Variants in FGF13 observed in about 807,000 individuals in gnomAD.
FGF13 encodes the protein fibroblast growth factor 13, also known as fibroblast growth factor homologous factor 2.
A neutral mutation model predicts 19.5 loss-of-function variants in FGF13; 2 were observed. That is an observed-to-expected ratio of 0.10 (90% confidence interval 0.04 to 0.32). The LOEUF (loss-of-function observed/expected upper bound fraction) is 0.32. Among genes scored for constraint, FGF13 ranks in the 10% least tolerant of loss-of-function variants. The pLI is 1.00. For synonymous variants in FGF13, 72 were observed against 76.9 expected, an observed-to-expected ratio of 0.94 and a Z score of 0.33; for missense variants, 113 against 192.7, an observed-to-expected ratio of 0.59 and a Z score of 2.45.
chrX:139,073,065 CCTTT>C (rs1569450210), intron 1 of FGF13, among the ~76,000 whole-genome samples: 1 of 110,680 alleles, frequency 9.0e-6, no homozygotes, highest in Non-Finnish European at 1.9e-5. Flanking sequence ...TCTAATCCTT[CCTTT>C]ATCTAGTTAA....
intron 1 of FGF13, among the ~76,000 whole-genome samples, chrX:138,920,248 A>T (rs2091637980): frequency 9.0e-6 from 1 of 111,603 alleles, no homozygotes; most frequent in Non-Finnish European, 1.9e-5. Flanking sequence ...GTCACTAATT[A>T]GCTATATGAT....
intron 3 of FGF13, among the ~76,000 whole-genome samples, chrX:138,757,545 A>AT (rs201191599): frequency 9.1e-6 from 1 of 110,049 alleles, no homozygotes; most frequent in African/African-American, 3.3e-5. Context: ...TTCTCTGTGA[A>AT]TTTTTTTTTC....
intron 1 of FGF13, among the ~76,000 whole-genome samples, chrX:139,002,649 G>C (rs1457127252): frequency 9.0e-6 from 1 of 111,129 alleles, no homozygotes; most frequent in Non-Finnish European, 1.9e-5. Flanking sequence ...AGAGGGGAGA[G>C]TAAAGACATC....
At chrX:138,939,337 C>G (rs1042311395) in intron 1 of FGF13, among the ~76,000 whole-genome samples, 2 of 112,186 alleles carry the variant, frequency 1.8e-5, no homozygotes, top group Non-Finnish European at 3.8e-5. Flanking sequence ...AAAACTAAGA[C>G]AACACAAATA....
At chrX:138,674,108 G>A (rs2089641293) in intron 3 of FGF13, among the ~76,000 whole-genome samples, 1 of 110,550 alleles carries the variant, frequency 9.0e-6, no homozygotes, top group South Asian at 3.9e-4. Context: ...AGGAGAAGGT[G>A]GAAGAGGAGA....
chrX:138,857,816 G>C (rs2124141076), intron 2 of FGF13: 1 of 481,635 alleles, frequency 2.1e-6, no homozygotes, highest in Admixed American at 5.1e-5. Context: ...ACATCTAATA[G>C]CTTGGCGATT....
At chrX:139,147,809 A>G (rs149688147) in intron 1 of FGF13, among the ~76,000 whole-genome samples, 1,286 of 110,989 alleles carry the variant, frequency 0.012, 34 homozygotes, top group Admixed American at 0.074. Flanking sequence ...GATCCTAATT[A>G]AGTATGACCT....
Position 138,978,564 on chromosome X carries a change from T to C in FGF13, c.-112-113914A>G, listed in dbSNP as rs548216659. Among the ~76,000 whole-genome samples, 56 of 112,648 alleles carry C rather than the reference T, an allele frequency of 5.0e-4. No individual in the cohort carries two copies. In the South Asian group the frequency reaches 0.02, roughly 41 times the overall value. The stretch of plus-strand genomic sequence containing the variant: ...GGCGCGAGCCACCGCGCCCGGCCCC[T>C]GGTGTTCTTAATGTTAGATTACTTG... On this transcript the variant is annotated intron_variant, in intron 1 of 2. Transcript: ENST00000421460.
chrX:139,141,428 G>T (rs367567090), intron 1 of FGF13, among the ~76,000 whole-genome samples: 2 of 111,879 alleles, frequency 1.8e-5, no homozygotes, highest in East Asian at 5.6e-4. Context: ...GTCACCCTAG[G>T]TTTAAAATCC....
At chrX:139,199,266 T>C (rs2084397124) in intron 1 of FGF13, among the ~76,000 whole-genome samples, 1 of 112,066 alleles carries the variant, frequency 8.9e-6, no homozygotes, top group African/African-American at 3.3e-5. Flanking sequence ...GTAATAGACA[T>C]GTAGGATCCC....
chrX:139,004,998 T>G (rs1419764280), intron 1 of FGF13, among the ~76,000 whole-genome samples: 6 of 112,159 alleles, frequency 5.3e-5, no homozygotes, highest in Admixed American at 1.9e-4. Context: ...GGGAGGTCAC[T>G]GCCCTGAAGG....
intron 1 of FGF13, among the ~76,000 whole-genome samples, chrX:138,930,493 G>A (rs2091696353): frequency 9.0e-6 from 1 of 111,715 alleles, no homozygotes; most frequent in Non-Finnish European, 1.9e-5. Context: ...CTCCAAATCC[G>A]GAGAAATCGC....
intron 1 of FGF13, among the ~76,000 whole-genome samples, chrX:138,869,207 G>T (rs1407464460): frequency 8.9e-6 from 1 of 111,732 alleles, no homozygotes; most frequent in Non-Finnish European, 1.9e-5. Flanking sequence ...CCATGCCCAG[G>T]AACAATGGTG....
chrX:139,163,238 T>C (rs1323957720), intron 1 of FGF13, among the ~76,000 whole-genome samples: 4 of 111,634 alleles, frequency 3.6e-5, no homozygotes, highest in Non-Finnish European at 7.5e-5. Flanking sequence ...TTATGTCCTT[T>C]GCAGGGATAT....
intron 1 of FGF13, among the ~76,000 whole-genome samples, chrX:139,024,457 A>G (rs1471391128): frequency 9.0e-6 from 1 of 110,850 alleles, no homozygotes; most frequent in Non-Finnish European, 1.9e-5. Context: ...GCAAATCTCA[A>G]TATTCCTCTA....
chrX:138,666,305 GA>G (rs972058040), intron 3 of FGF13, among the ~76,000 whole-genome samples: 1 of 110,868 alleles, frequency 9.0e-6, no homozygotes, highest in Non-Finnish European at 1.9e-5. Flanking sequence ...TTCCTGAAAA[GA>G]AAAAAATGTG....
intron 1 of FGF13, among the ~76,000 whole-genome samples, chrX:138,865,775 T>C (rs1432468773): frequency 9.0e-6 from 1 of 111,290 alleles, no homozygotes; most frequent in Non-Finnish European, 1.9e-5. Context: ...TTTTGTTGAA[T>C]TGAATAAAAT....
chrX:139,004,714 G>C (rs1325465058), intron 1 of FGF13, among the ~76,000 whole-genome samples: 1 of 112,032 alleles, frequency 8.9e-6, no homozygotes, highest in Admixed American at 9.4e-5. Flanking sequence ...TACCATGAAG[G>C]GTGAGTCCCA....
At chrX:139,192,501 A>AAAAC (rs200396557) in intron 1 of FGF13, among the ~76,000 whole-genome samples, 5,588 of 111,611 alleles carry the variant, frequency 0.05, 268 homozygotes, top group African/African-American at 0.14. Flanking sequence ...TTGTTTAGAA[A>AAAAC]AAACAAACAA....
Sources: gnomAD v4.1 joint callset for allele counts (sites outside exome capture counted in the v4.1 genomes callset) on GRCh38, gnomAD v4.1.1 for gene constraint, MANE v1.5 for transcripts, NCBI Gene and HGNC (gene_info 2026-07-23, HGNC 2026-07-21) for gene names.